Variants in KCNIP2 observed in about 807,000 individuals in gnomAD.
The protein encoded by KCNIP2 is A-type potassium channel modulatory protein KCNIP2.
In KCNIP2, 19 loss-of-function variants were observed where a neutral mutation model predicts 39.0. The ratio of observed to expected loss-of-function variants is 0.49; its 90% CI spans 0.34 to 0.71. The LOEUF is 0.71. Among genes scored for constraint, KCNIP2 ranks in the 30% least tolerant of loss-of-function variants. The pLI is 0.01. For missense variants in KCNIP2, 261 were observed against 346.0 expected (o/e 0.75, Z 1.95); for synonymous variants, 111 against 131.2 (o/e 0.85, Z 1.05).
In KCNIP2 at chr10:101,829,897, G is replaced by A. The variant is rs2065906163; in HGVS notation, c.170C>T (p.Thr57Ile). 6.5e-7 allele frequency: 1 copy of A among 1,534,976 alleles called. No individual in the cohort carries two copies. The highest frequency in any genetic ancestry group is 8.8e-7 in the Non-Finnish European group (1 of 1,142,192). ...GCGGAGGGAGGCTGGGGCGGCTAATGCTGAAGGGAGCGAACTGTCACCGAG... is the reference window on the plus strand; with the variant it reads ...GCGGAGGGAGGCTGGGGCGGCTAATACTGAAGGGAGCGAACTGTCACCGAG... ...GPQALPSVSE[T>I]LAAPASLRPH... Residue 57 changes from threonine to isoleucine, a missense_variant and splice_region_variant, in exon 3 of 10, where the codon ACA (threonine) becomes ATA (isoleucine). Thr to Ile is a moderately conservative substitution (Grantham distance 89). Transcript: ENST00000356640.
At chr10:101,839,611 G>A in intron 1 of KCNIP2, 1 of 766,778 alleles carries the variant, frequency 1.3e-6, no homozygotes, top group Non-Finnish European at 2.2e-6. Context: ...CCAGGATCTC[G>A]TCTTGGAAGC....
intron 1 of KCNIP2, chr10:101,839,809 G>A (rs763447233): frequency 6.0e-5 from 96 of 1,610,338 alleles, no homozygotes; most frequent in Non-Finnish European, 7.0e-5. Context: ...CTGCCCCAGC[G>A]GGCTCCGGCA....
chr10:101,827,353 C>A lies in KCNIP2; in HGVS notation c.813G>T (p.Ter271TyrextTer119). The A allele has an allele frequency of 6.2e-7, 1 of 1,603,638 alleles. No homozygotes were observed. The highest frequency in any genetic ancestry group is 8.5e-7 in the Non-Finnish European group (1 of 1,172,122). The change falls in exon 10 of 10, where the codon TAG (stop) becomes TAT (tyrosine). Residue 271 changes from the stop codon to tyrosine (Y), a stop_lost. Coordinates refer to ENST00000356640, the MANE Select transcript of KCNIP2 (RefSeq NM_173191.3). The part of the protein sequence containing the change: ...RSMQLFDNVI[*>Y] ...AAACACTGACCCCCTCTCCTGGGGG[C>A]TAGATGACATTGTCAAAGAGCTGCA...
chr10:101,843,560 GCC>G lies in KCNIP2; in HGVS notation c.7_8del (p.Gly3ProfsTer29). The G allele has an allele frequency of 6.5e-7, 1 of 1,535,480 alleles. No individual in the cohort carries two copies. Among genetic ancestry groups the G allele is most frequent in the South Asian group, 1.2e-5 (1 of 81,622 alleles). On this transcript the variant is annotated frameshift_variant, in exon 1 of 10. Transcript: ENST00000356640. LOFTEE classifies it high-confidence loss of function. The surrounding 1 kb of genome is among the most constrained non-coding windows in gnomAD (Gnocchi z 6.7). MR[G>X]QGRKESLSDS... is the part of the protein sequence containing the mutation. ...CGGACAAACTCTCCTTGCGGCCCTGGCCCCGCATGGCCCCCGGCGCCCCGCTC... is the reference window on the plus strand; with the variant it reads ...CGGACAAACTCTCCTTGCGGCCCTGGCCGCATGGCCCCCGGCGCCCCGCTC...
intron 1 of KCNIP2, among the ~76,000 whole-genome samples, chr10:101,837,799 G>C (rs570556568): frequency 2.0e-5 from 3 of 152,310 alleles, no homozygotes; most frequent in Non-Finnish European, 4.4e-5. Flanking sequence ...TTAGGTAAGG[G>C]AGCTATGGGT....
intron 1 of KCNIP2, among the ~76,000 whole-genome samples, chr10:101,840,943 C>T (rs992875385): frequency 7.9e-5 from 12 of 152,212 alleles, no homozygotes; most frequent in Non-Finnish European, 1.6e-4. Context: ...AGGCTCCAAC[C>T]CTCTCCGCAT....
chr10:101,829,785 C>G (rs2065900070), intron 3 of KCNIP2, 59 bp downstream of exon 3: 1 of 778,506 alleles, frequency 1.3e-6, no homozygotes, highest in Non-Finnish European at 1.8e-6. Context: ...AAGTGCCCCC[C>G]ACCCCAAGAT....
rs2065768139 is a variant in KCNIP2, at chr10:101,827,065, G to A, written c.*288C>T. The A allele has an allele frequency of 4.7e-6, 2 of 427,658 alleles. No individual in the cohort carries two copies. Among genetic ancestry groups the A allele is most frequent in the Non-Finnish European group, 7.5e-6 (2 of 265,168 alleles). 26.5% of individuals were successfully genotyped at this position (427,658 alleles called of 1,614,324 possible). A position where few individuals can be genotyped will look rare whatever the true frequency, so the allele number is the denominator to read the frequency against. ...TGTTTCTAGAGTAGGGGTAGGAGGT[G>A]GGGAACCGCTCAATTCCTACAGGAG... On this transcript the variant is annotated 3_prime_UTR_variant, in exon 10 of 10. Transcript: ENST00000356640.
chr10:101,831,166 G>T lies in KCNIP2; in HGVS notation c.75C>A (p.Gly25=). ...DLDGSYDQLT[G]HPPGPTKKAL... The stretch of plus-strand genomic sequence containing the variant: ...CTTTTTTAGTGGGCCCTGGAGGGTG[G>T]CCTGGGAAGAGAGAAGACCCCAGGA... The change falls in exon 2 of 10, where the codon GGC becomes GGA. Residue 25 remains glycine (G), a splice_region_variant and synonymous_variant. Coordinates refer to ENST00000356640, the MANE Select transcript of KCNIP2 (RefSeq NM_173191.3). 6.2e-7 allele frequency: 1 copy of T among 1,601,586 alleles called. No individual in the cohort carries two copies. Among genetic ancestry groups the T allele is most frequent in the Non-Finnish European group, 8.5e-7 (1 of 1,174,210 alleles).
intron 1 of KCNIP2, among the ~76,000 whole-genome samples, chr10:101,836,075 A>G (rs1408226517): frequency 6.6e-6 from 1 of 152,082 alleles, no homozygotes; most frequent in African/African-American, 2.4e-5. Context: ...CTCTGGGATG[A>G]CTGTGTCTCA....
chr10:101,827,348 G>T lies in KCNIP2; in HGVS notation c.*5C>A. The T allele has an allele frequency of 6.2e-7, 1 of 1,600,952 alleles. No individual in the cohort carries two copies. The highest frequency in any genetic ancestry group is 8.5e-7 in the Non-Finnish European group (1 of 1,170,432). On this transcript the variant is annotated 3_prime_UTR_variant, in exon 10 of 10. Coordinates refer to ENST00000356640, the MANE Select transcript of KCNIP2 (RefSeq NM_173191.3). ...CCAGGAAACACTGACCCCCTCTCCT[G>T]GGGGCTAGATGACATTGTCAAAGAG...
chr10:101,840,061 G>GT (rs1390103351), intron 1 of KCNIP2, among the ~76,000 whole-genome samples: 4 of 151,868 alleles, frequency 2.6e-5, no homozygotes, highest in African/African-American at 7.2e-5. Context: ...CCTGGACGGG[G>GT]GGGGGGGGTG....
rs149732734 is a variant in KCNIP2 at position 101,843,185 on chromosome 10, GCA to G, written c.73+309_73+310del. ...GCAACCAGCTGTGGGAGGTGCGCGC[GCA>G]CACACACACACACACACAGAATGAC... On this transcript the variant is annotated intron_variant, in intron 1 of 9. Coordinates refer to ENST00000356640, the MANE Select transcript of KCNIP2 (RefSeq NM_173191.3). The surrounding 1 kb of genome is among the most constrained non-coding windows in gnomAD (Gnocchi z 6.7). Among the ~76,000 whole-genome samples the G allele has an allele frequency of 2.0e-4, 30 of 150,038 alleles. No individual in the cohort carries two copies. Among genetic ancestry groups the G allele is most frequent in the African/African-American group, 4.1e-4 (17 of 41,070 alleles).
chr10:101,839,815 C>A, intron 1 of KCNIP2: 1 of 1,610,158 alleles, frequency 6.2e-7, no homozygotes, highest in Non-Finnish European at 8.5e-7. Flanking sequence ...CAGCGGGCTC[C>A]GGCACCTGCG....
rs1215744827 is a variant in KCNIP2 at position 101,828,867 on chromosome 10, T to C, written c.349-171A>G. On this transcript the variant is annotated intron_variant, in intron 4 of 9. Transcript: ENST00000356640. The surrounding 1 kb of genome is among the most constrained non-coding windows in gnomAD (Gnocchi z 6.6). Reference sequence around the variant, plus strand: ...GAAGACTTCTTTCCCAGTGCACAAATAAAAAACATGGAACGAAACTGACAG... The same window carrying C: ...GAAGACTTCTTTCCCAGTGCACAAACAAAAAACATGGAACGAAACTGACAG... 6.5e-7 allele frequency: 1 copy of C among 1,550,336 alleles called. No homozygotes were observed. The highest frequency in any genetic ancestry group is 8.7e-7 in the Non-Finnish European group (1 of 1,147,092).
At chr10:101,839,529 C>T (rs1247339011) in intron 1 of KCNIP2, among the ~76,000 whole-genome samples, 1 of 152,098 alleles carries the variant, frequency 6.6e-6, no homozygotes, top group African/African-American at 2.4e-5. Context: ...TGATGCCCCT[C>T]TCCTTTCCTC....
Position 101,827,206 on chromosome 10 carries a change from G to A in KCNIP2, c.*147C>T. 7.3e-7 allele frequency: 1 copy of A among 1,366,074 alleles called. No individual in the cohort carries two copies. The highest frequency in any genetic ancestry group is 9.5e-7 in the Non-Finnish European group (1 of 1,057,580). 84.6% of individuals were successfully genotyped at this position (1,366,074 alleles called of 1,614,324 possible). ...TGGCCCCTTCAGCTCCAGAGATCTG[G>A]ACTACTGAATCCCCAAGCTCTTGGA... is the stretch of plus-strand genomic sequence containing the variant. On this transcript the variant is annotated 3_prime_UTR_variant, in exon 10 of 10. Coordinates refer to ENST00000356640, the MANE Select transcript of KCNIP2 (RefSeq NM_173191.3).
At chr10:101,842,917 T>C (rs2066374495) in intron 1 of KCNIP2, among the ~76,000 whole-genome samples, 1 of 152,238 alleles carries the variant, frequency 6.6e-6, no homozygotes, top group Non-Finnish European at 1.5e-5. Context: ...CTTATGGTCA[T>C]GAAGGCTTAC....
chr10:101,842,089 C>T (rs1007678315), intron 1 of KCNIP2, among the ~76,000 whole-genome samples: 1 of 152,192 alleles, frequency 6.6e-6, no homozygotes, highest in African/African-American at 2.4e-5. Flanking sequence ...GTCCCCTCCC[C>T]CTTCCCAGGT....
Sources: gnomAD v4.1 joint callset for allele counts (sites outside exome capture counted in the v4.1 genomes callset) on GRCh38, gnomAD v4.1.1 for gene constraint, Gnocchi (gnomAD v3.1) non-coding constraint, MANE v1.5 for transcripts, NCBI Gene and HGNC (gene_info 2026-07-23, HGNC 2026-07-21) for gene names.